FARP1: variants seen among roughly 807,000 people sequenced by gnomAD.
FARP1 encodes the protein FERM, ARH/RhoGEF and pleckstrin domain protein 1, also known as FERM, ARHGEF and pleckstrin domain-containing protein 1.
In FARP1, 52 loss-of-function variants were observed where a neutral mutation model predicts 128.8. The observed-to-expected ratio is 0.40, with a 90% CI of 0.32 to 0.51. The LOEUF (loss-of-function observed/expected upper bound fraction) is 0.51. Ranked by LOEUF, FARP1 falls within the 20% of genes least tolerant of loss-of-function variation. The probability of loss-of-function intolerance (pLI) is 0.45; values close to 1 mark genes in which losing one functional copy is unlikely to be tolerated. For synonymous variants in FARP1, 580 were observed against 551.8 expected (o/e 1.05, Z -0.72); for missense variants, 1,333 against 1,367.9 (o/e 0.97, Z 0.40).
intron 1 of FARP1, among the ~76,000 whole-genome samples, chr13:98,195,811 C>G (rs1266220566): frequency 6.6e-6 from 1 of 152,040 alleles, no homozygotes; most frequent in African/African-American, 2.4e-5. Flanking sequence ...AGGATTGCTG[C>G]CCCAGAAGTT....
chr13:98,394,655 C>T, intron 12 of FARP1, among the ~76,000 whole-genome samples: 1 of 152,146 alleles, frequency 6.6e-6, no homozygotes, highest in East Asian at 1.9e-4. Context: ...TAAAAATTAG[C>T]CGGGTGTGGT....
chr13:98,194,486 G>A (rs192449861), intron 1 of FARP1, among the ~76,000 whole-genome samples: 14 of 152,326 alleles, frequency 9.2e-5, no homozygotes, highest in Non-Finnish European at 1.6e-4. Flanking sequence ...TTATTGGAAC[G>A]CTAAGCATGT....
chr13:98,245,773 C>CT (rs376383485), intron 2 of FARP1, among the ~76,000 whole-genome samples: 5 of 151,992 alleles, frequency 3.3e-5, no homozygotes, highest in East Asian at 1.9e-4. Context: ...GAGATAAATT[C>CT]TTTTTTTTAT....
At chr13:98,293,549 A>G (rs755433194) in intron 2 of FARP1, among the ~76,000 whole-genome samples, 4 of 152,208 alleles carry the variant, frequency 2.6e-5, no homozygotes, top group African/African-American at 9.7e-5. Flanking sequence ...CCTGCACCCC[A>G]CAGAGAGGTT....
At chr13:98,335,667 G>A (rs191124303) in intron 2 of FARP1, among the ~76,000 whole-genome samples, 3 of 152,298 alleles carry the variant, frequency 2.0e-5, no homozygotes, top group Admixed American at 1.3e-4. Flanking sequence ...CAACTTGCTC[G>A]ATAAATACAC....
chr13:98,213,342 A>G lies in FARP1; in HGVS notation c.100A>G (p.Thr34Ala), dbSNP rs755580477. The change falls in exon 2 of 27, where the codon ACA (threonine) becomes GCA (alanine). Residue 34 changes from threonine to alanine, a missense_variant. By Grantham distance (58) the Thr-to-Ala change is moderately conservative (BLOSUM62 0). Transcript: ENST00000319562. ...TLERGQKPPP[T>A]PSGKLVSIKI... ...GGAACGTGGACAGAAGCCGCCCCCAACACCTTCAGGAAAACTCGTGTCCAT... is the reference window on the plus strand; with the variant it reads ...GGAACGTGGACAGAAGCCGCCCCCAGCACCTTCAGGAAAACTCGTGTCCAT... 5.6e-6 allele frequency: 9 copies of G among 1,613,962 alleles called. No homozygotes were observed. The highest frequency in any genetic ancestry group is 5.3e-5 in the African/African-American group (4 of 74,878).
chr13:98,298,830 T>A (rs572738797), intron 2 of FARP1, among the ~76,000 whole-genome samples: 3 of 152,176 alleles, frequency 2.0e-5, no homozygotes, highest in Non-Finnish European at 4.4e-5. Flanking sequence ...GAGTAGTATG[T>A]TTCTTGCTGT....
At chr13:98,302,787 G>A (rs534879091) in intron 2 of FARP1, among the ~76,000 whole-genome samples, 16 of 152,210 alleles carry the variant, frequency 1.1e-4, no homozygotes, top group Admixed American at 8.5e-4. Flanking sequence ...CAGAGTAGGG[G>A]CAGGAGCAGC....
intron 1 of FARP1, among the ~76,000 whole-genome samples, chr13:98,165,709 G>GTTTTTTTT (rs1566685742): frequency 9.8e-6 from 1 of 102,404 alleles, no homozygotes; most frequent in Non-Finnish European, 2.0e-5. Context: ...TTCCAGAAGG[G>GTTTTTTTT]GTTTTTTTTT....
intron 2 of FARP1, among the ~76,000 whole-genome samples, chr13:98,322,233 G>A (rs2139792809): frequency 6.6e-6 from 1 of 152,330 alleles, no homozygotes; most frequent in East Asian, 1.9e-4. Flanking sequence ...GGGAGGCAGA[G>A]GTTGCAGTGA....
chr13:98,227,445 T>A (rs1173212583), intron 2 of FARP1, among the ~76,000 whole-genome samples: 1 of 141,004 alleles, frequency 7.1e-6, no homozygotes, highest in Non-Finnish European at 1.5e-5. Flanking sequence ...CTAGGATGGC[T>A]ACTATTAAAA....
intron 2 of FARP1, among the ~76,000 whole-genome samples, chr13:98,297,776 C>T (rs1428944444): frequency 1.3e-5 from 2 of 152,188 alleles, no homozygotes; most frequent in Non-Finnish European, 2.9e-5. Flanking sequence ...CTCCCTCCAC[C>T]GCTTCACCCC....
intron 2 of FARP1, among the ~76,000 whole-genome samples, chr13:98,224,371 C>A (rs1226667771): frequency 1.5e-4 from 22 of 151,106 alleles, no homozygotes; most frequent in African/African-American, 5.1e-4. Context: ...ACTAAAAATA[C>A]AAAAAATTAG....
At chr13:98,185,273 A>G (rs1878786297) in intron 1 of FARP1, among the ~76,000 whole-genome samples, 1 of 152,206 alleles carries the variant, frequency 6.6e-6, no homozygotes, top group Non-Finnish European at 1.5e-5. Context: ...GCAGGTCCCC[A>G]TGAGTTGATA....
intron 1 of FARP1, among the ~76,000 whole-genome samples, chr13:98,160,345 CT>C (rs1201361164): frequency 6.6e-6 from 1 of 152,152 alleles, no homozygotes; most frequent in Non-Finnish European, 1.5e-5. Flanking sequence ...TGGCTATCCC[CT>C]TTCCTTGCAT....
In FARP1 at chr13:98,419,483, T is replaced by TACACACACACACACACAC. The variant is rs57751374; in HGVS notation, c.1827-5072_1827-5055dup. 4.3e-4 allele frequency among the ~76,000 whole-genome samples: 60 copies of TACACACACACACACACAC among 140,042 alleles called. 1 individual carries two copies. Among genetic ancestry groups the TACACACACACACACACAC allele is most frequent in the East Asian group, 1.3e-3 (6 of 4,602 alleles). 91.9% of individuals were successfully genotyped at this position (140,042 alleles called of 152,430 possible). ...ACGAGACTCTGTCTCCAAAAAAAAA[T>TACACACACACACACACAC]ACACACACACACACACACACACACA... On this transcript the variant is annotated intron_variant, in intron 16 of 26. Transcript: ENST00000319562.
chr13:98,418,968 T>A (rs1166724412), intron 16 of FARP1, among the ~76,000 whole-genome samples: 1 of 151,828 alleles, frequency 6.6e-6, no homozygotes, highest in Non-Finnish European at 1.5e-5. Flanking sequence ...AACCTAAGAG[T>A]GTAATTGACA....
chr13:98,150,026 C>T lies in FARP1; in HGVS notation c.-24+6534C>T, dbSNP rs569626449. On this transcript the variant is annotated intron_variant, in intron 1 of 26. Transcript: ENST00000319562. The stretch of plus-strand genomic sequence containing the variant: ...TGCTGGGATTACAGTCTTGAGCCAC[C>T]GCGCCCGGCCAAATATTTACTTTTT... Among the ~76,000 whole-genome samples, 9 of 147,818 alleles carry T rather than the reference C, an allele frequency of 6.1e-5. No individual in the cohort carries two copies. The South Asian group carries it at 8.7e-4, about 14-fold the overall frequency.
chr13:98,401,718 A>T (rs1191911129), intron 13 of FARP1: 1 of 152,038 alleles, frequency 6.6e-6, no homozygotes, highest in African/African-American at 2.4e-5. Context: ...AAAAGATGAA[A>T]CCTCAAGCAG....
Sources: allele counts gnomAD v4.1 joint callset (sites outside exome capture counted in the v4.1 genomes callset), GRCh38; gene constraint gnomAD v4.1.1; transcripts MANE v1.5; gene names NCBI Gene and HGNC (gene_info 2026-07-23, HGNC 2026-07-21).